The following CHTF18 variants were observed in gnomAD, a reference collection of about 807,000 sequenced individuals.
CHTF18 encodes chromosome transmission fidelity protein 18 homolog.
In CHTF18, 151 loss-of-function variants were observed where a neutral mutation model predicts 113.4. The observed-to-expected ratio is 1.33, with a 90% CI of 1.17 to 1.52. The LOEUF is 1.52. Ranked by LOEUF, CHTF18 falls within the 40% of genes most tolerant of loss-of-function variation. The pLI is 0.00. For missense variants in CHTF18, 1,982 were observed against 1,381.6 expected, an observed-to-expected ratio of 1.43 and a Z score of -6.89; for synonymous variants, 916 against 598.8, an observed-to-expected ratio of 1.53 and a Z score of -7.74.
Position 791,955 on chromosome 16 carries a change from GA to G in CHTF18, c.1202+8del. 1 of 1,604,030 alleles carries G rather than the reference GA, an allele frequency of 6.2e-7. No individual in the cohort carries two copies. The highest frequency in any genetic ancestry group is 1.3e-5 in the African/African-American group (1 of 74,928). ...TGGTGGAGATGAACGCCAGGTGAGT[GA>G]TGTGAGGTCCGTCTCTGGCTCGCCT... On this transcript the variant is annotated splice_region_variant and intron_variant, in intron 9 of 21. Coordinates refer to ENST00000262315, the MANE Select transcript of CHTF18 (RefSeq NM_022092.3).
chr16:792,160 C>T (rs2042214468), intron 9 of CHTF18, 64 bp from the exon 10 acceptor site: 20 of 1,532,702 alleles, frequency 1.3e-5, no homozygotes, highest in Non-Finnish European at 1.6e-5. Context: ...GCAGCCCCGG[C>T]CTTGGGAGGC....
In CHTF18 at chr16:789,411, G is replaced by C. The variant is rs1193866792; in HGVS notation, c.437+51G>C. ...CATCCCATCTGTCCAGTGGGACTCA[G>C]ATGGAGCCCATCCCGTGCCCTGGAT... On this transcript the variant is annotated intron_variant, in intron 3 of 21. Transcript: ENST00000262315. The C allele has an allele frequency of 5.2e-6, 8 of 1,540,498 alleles. No homozygotes were observed. The East Asian group carries it at 1.6e-4, about 31-fold the overall frequency.
At chr16:790,781 C>G in intron 7 of CHTF18, 115 bp downstream of exon 7, 1 of 1,437,568 alleles carries the variant, frequency 7.0e-7, no homozygotes, top group Non-Finnish European at 9.1e-7. Context: ...ACGGAGTGGG[C>G]TCTGGTTTGC....
At chr16:795,875 C>T (rs780847748) in intron 17 of CHTF18, 41 bp downstream of exon 17, 72 of 1,606,332 alleles carry the variant, frequency 4.5e-5, no homozygotes, top group South Asian at 7.7e-5. Context: ...CCGCCTGCTG[C>T]CCTCCTGTCC....
At chr16:791,503 T>C in intron 8 of CHTF18, 133 bp downstream of exon 8, 1 of 1,443,194 alleles carries the variant, frequency 6.9e-7, no homozygotes. Context: ...GAAGCGCCAT[T>C]AGCGTGAGTT....
rs563201576 is a variant in CHTF18, at chr16:792,794, G to A, written c.1555G>A (p.Val519Met). 68 of 1,542,734 alleles carry A rather than the reference G, an allele frequency of 4.4e-5. No homozygotes were observed. The South Asian group carries it at 7.1e-4, about 16-fold the overall frequency. Reference sequence around the variant, plus strand: ...CCCGCCGACTCTGCCCTCGAGGCTGGTGCAGCGGCTCCAGGAGGTCGGTGG... The same window carrying A: ...CCCGCCGACTCTGCCCTCGAGGCTGATGCAGCGGCTCCAGGAGGTCGGTGG... Reference protein sequence around the residue: ...HFPPTLPSRLVQRLQEVSLRQ... With the variant: ...HFPPTLPSRLMQRLQEVSLRQ... The change falls in exon 12 of 22, where the codon GTG becomes ATG. Residue 519 changes from valine (V) to methionine (M), a missense_variant. Coordinates refer to ENST00000262315, the MANE Select transcript of CHTF18 (RefSeq NM_022092.3).
intron 8 of CHTF18, 56 bp from the exon 9 acceptor site, chr16:791,795 C>A: frequency 6.5e-7 from 1 of 1,540,968 alleles, no homozygotes. Context: ...GGCTGCTAGG[C>A]CGGGAGCGTC....
At chr16:796,226 C>T (rs566492563) in intron 18 of CHTF18, 149 bp downstream of exon 18, 10 of 1,052,204 alleles carry the variant, frequency 9.5e-6, no homozygotes, top group Middle Eastern at 6.3e-4. Flanking sequence ...TCAGATGTAA[C>T]CGTGAAGGGG....
At chr16:795,635 C>G (rs745446784) in intron 16 of CHTF18, 50 bp from the exon 17 acceptor site, 1 of 1,316,524 alleles carries the variant, frequency 7.6e-7, no homozygotes, top group South Asian at 1.3e-5. Flanking sequence ...CCATTCCCCC[C>G]TCGCCCGGGA....
Position 795,797 on chromosome 16 carries a change from G to C in CHTF18, c.2288G>C (p.Cys763Ser), listed in dbSNP as rs61741082. Residue 763 changes from cysteine to serine, a missense_variant, in exon 17 of 22, where the codon TGC (cysteine) becomes TCC (serine). Cys to Ser is a moderately radical substitution (Grantham distance 112, BLOSUM62 -1). Coordinates refer to ENST00000262315, the MANE Select transcript of CHTF18 (RefSeq NM_022092.3). ...TPQALLLDAL[C>S]LLLDILAPKL... ...CAGGCCCTGCTCCTCGATGCCCTCTGCCTGCTCCTGGACATTCTTGCACCC... is the reference window on the plus strand; with the variant it reads ...CAGGCCCTGCTCCTCGATGCCCTCTCCCTGCTCCTGGACATTCTTGCACCC... 9.1e-3 allele frequency: 14,658 copies of C among 1,609,584 alleles called. 717 individuals carry two copies. In the African/African-American group the frequency reaches 0.1, roughly 11 times the overall value.
intron 15 of CHTF18, among the ~76,000 whole-genome samples, chr16:794,467 C>T (rs1390030111): frequency 6.6e-6 from 1 of 151,890 alleles, no homozygotes; most frequent in East Asian, 1.9e-4. Context: ...CTGCTTGGGA[C>T]TCTCAGCGGG....
In CHTF18 at chr16:796,706, G is replaced by A. The variant is rs745925472; in HGVS notation, c.2457-11G>A. ...CGCTGACCTGCCCTGGTGTCCCCCTGTGCTGAGCAGGAACGTGGAGGAACT... is the reference window on the plus strand; with the variant it reads ...CGCTGACCTGCCCTGGTGTCCCCCTATGCTGAGCAGGAACGTGGAGGAACT... On this transcript the variant is annotated splice_polypyrimidine_tract_variant and intron_variant, in intron 18 of 21. Coordinates refer to ENST00000262315, the MANE Select transcript of CHTF18 (RefSeq NM_022092.3). The A allele has an allele frequency of 1.8e-5, 29 of 1,594,560 alleles. No individual in the cohort carries two copies. The South Asian group carries it at 2.5e-4, about 14-fold the overall frequency.
rs781147530 is a variant in CHTF18 at position 790,489 on chromosome 16, C to T, written c.753-36C>T. On this transcript the variant is annotated intron_variant, in intron 6 of 21. Coordinates refer to ENST00000262315, the MANE Select transcript of CHTF18 (RefSeq NM_022092.3). ...AGCGTGTGGGTTGGCATGGTCCCTG[C>T]GAGTTGTTTGTGGCTCAGGACGTGG... 51 of 1,606,010 alleles carry T rather than the reference C, an allele frequency of 3.2e-5. No homozygotes were observed. Among genetic ancestry groups the T allele is most frequent in the Admixed American group, 1.0e-4 (6 of 58,998 alleles).
In CHTF18 at chr16:790,399, G is replaced by A; in HGVS notation, c.752G>A (p.Ser251Asn). 6.2e-7 allele frequency: 1 copy of A among 1,612,458 alleles called. No homozygotes were observed. Among genetic ancestry groups the A allele is most frequent in the Non-Finnish European group, 8.5e-7 (1 of 1,179,796 alleles). Residue 251 changes from serine (S) to asparagine (N), a missense_variant and splice_region_variant, in exon 6 of 22, where the codon AGT becomes AAT. By Grantham distance (46) the Ser-to-Asn change is conservative. Transcript: ENST00000262315. The part of the protein sequence containing the change: ...EAQKLSDTLH[S>N]LRSGEEEAAQ... ...CAGAAGCTTTCAGACACCCTGCACA[G>A]GTGACTTGGTTGGCCCTTCCGCCCT...
At chr16:790,311 C>T in intron 5 of CHTF18, 36 bp from the exon 6 acceptor site, 1 of 1,610,936 alleles carries the variant, frequency 6.2e-7, no homozygotes, top group Non-Finnish European at 8.5e-7. Context: ...GCGGGGCCGC[C>T]TGAGCCCTCC....
At chr16:796,121 C>T (rs1362797197) in intron 18 of CHTF18, 44 bp downstream of exon 18, 11 of 1,570,886 alleles carry the variant, frequency 7.0e-6, no homozygotes, top group Non-Finnish European at 9.5e-6. Flanking sequence ...GTCATGCTCC[C>T]CGGCTGTGCT....
intron 8 of CHTF18, 27 bp downstream of exon 8, chr16:791,397 G>T (rs2042191814): frequency 6.4e-7 from 1 of 1,572,388 alleles, no homozygotes; most frequent in Non-Finnish European, 8.6e-7. Flanking sequence ...GTGCCGCCGG[G>T]AACAAGCCTG....
chr16:797,668 G>T, intron 20 of CHTF18, 26 bp from the exon 21 acceptor site: 1 of 1,610,846 alleles, frequency 6.2e-7, no homozygotes, highest in South Asian at 1.1e-5. Context: ...TGTCCTATAC[G>T]ACTGACTAGT....
At position 795,897 on chromosome 16, in the gene CHTF18, A is replaced by C. The variant is rs199570458; in HGVS notation, c.2326-50A>C. Reference sequence around the variant, plus strand: ...CTGCCCTCCTGTCCTAGGTGAGCACACATTTGTACAGCCTGCTCAGCTCCC... The same window carrying C: ...CTGCCCTCCTGTCCTAGGTGAGCACCCATTTGTACAGCCTGCTCAGCTCCC... On this transcript the variant is annotated intron_variant, in intron 17 of 21. Coordinates refer to ENST00000262315, the MANE Select transcript of CHTF18 (RefSeq NM_022092.3). 1.4e-5 allele frequency: 23 copies of C among 1,602,166 alleles called. No homozygotes were observed. In the East Asian group the frequency reaches 4.5e-4, roughly 31 times the overall value.
Sources: gnomAD v4.1 joint callset for allele counts (sites outside exome capture counted in the v4.1 genomes callset) on GRCh38, gnomAD v4.1.1 for gene constraint, MANE v1.5 for transcripts, NCBI Gene and HGNC (gene_info 2026-07-23, HGNC 2026-07-21) for gene names.